The following CR1 variants were observed in gnomAD, a reference collection of about 807,000 sequenced individuals.
CR1 encodes the protein complement receptor type 1.
A neutral mutation model predicts 187.3 loss-of-function variants in CR1; 116 were observed. The observed-to-expected ratio is 0.62, with a 90% confidence interval of 0.53 to 0.72. The LOEUF (loss-of-function observed/expected upper bound fraction) is 0.72. Among genes scored for constraint, CR1 ranks in the 30% least tolerant of loss-of-function variants. The pLI is 0.00. For synonymous variants in CR1, 576 were observed against 747.1 expected, an observed-to-expected ratio of 0.77 and a Z score of 3.73; for missense variants, 1,731 against 2,110.7, an observed-to-expected ratio of 0.82 and a Z score of 3.52.
At chr1:207,638,393 C>T (rs937352711) in intron 46 of CR1, among the ~76,000 whole-genome samples, 1 of 152,190 alleles carries the variant, frequency 6.6e-6, no homozygotes, top group Non-Finnish European at 1.5e-5. Context: ...CTTTGATACA[C>T]TTCTGAGGCT....
At position 207,623,013 on chromosome 1, in the gene CR1, T is replaced by C. The variant is rs948794732; in HGVS notation, c.7297T>C (p.Phe2433Leu). 1 of 1,578,142 alleles carries C rather than the reference T, an allele frequency of 6.3e-7. No homozygotes were observed. The highest frequency in any genetic ancestry group is 1.2e-5 in the South Asian group (1 of 86,440). ...CCTAGGCACTTTATCTGGTACGATC[T>C]TCTTTATTTTACTCATCATTTTCCT... ...LIVGTLSGTIFFILLIIFLSW... is the reference protein window; with the variant it reads ...LIVGTLSGTILFILLIIFLSW... The change falls in exon 45 of 47, where the codon TTC becomes CTC. Residue 2433 changes from phenylalanine (F) to leucine (L), a missense_variant. By Grantham distance (22) the Phe-to-Leu change is conservative. Coordinates refer to ENST00000367049, the MANE Select transcript of CR1 (RefSeq NM_000651.6).
rs1444432198 is a variant in CR1 at position 207,578,074 on chromosome 1, A to G, written c.4807A>G (p.Arg1603Gly). 2 of 1,611,748 alleles carry G rather than the reference A, an allele frequency of 1.2e-6. No homozygotes were observed. Among genetic ancestry groups the G allele is most frequent in the African/African-American group, 1.3e-5 (1 of 74,972 alleles). Residue 1603 changes from arginine to glycine, a missense_variant, in exon 29 of 47, where the codon AGA becomes GGA. Arg to Gly is a moderately radical substitution (Grantham distance 125). Transcript: ENST00000367049. ...AAATGGAATATTGGTATCTGACAAC[A>G]GAAGCTTATTTTCCTTAAATGAAGT... ...VENGILVSDN[R>G]SLFSLNEVVE... is the part of the protein sequence containing the mutation.
chr1:207,609,317 T>C lies in CR1; in HGVS notation c.5924T>C (p.Ile1975Thr), dbSNP rs1165042935. The change falls in exon 37 of 47, where the codon ATA becomes ACA. Residue 1975 changes from isoleucine (I) to threonine (T), a missense_variant. Ile to Thr is a moderately conservative substitution (Grantham distance 89). This residue lies in a region of CR1 where 1,312 missense variants were observed against 1,379.6 expected (regional missense o/e 0.95). Coordinates refer to ENST00000367049, the MANE Select transcript of CR1 (RefSeq NM_000651.6). Reference protein sequence around the residue: ...EIISCEPPPTISNGDFYSNNR... With the variant: ...EIISCEPPPTTSNGDFYSNNR... ...ATATCTTGTGAGCCACCTCCAACCA[T>C]ATCCAATGGAGACTTCTACAGCAAC... 1.9e-6 allele frequency: 3 copies of C among 1,613,614 alleles called. No homozygotes were observed. Among genetic ancestry groups the C allele is most frequent in the African/African-American group, 2.7e-5 (2 of 74,928 alleles).
intron 43 of CR1, among the ~76,000 whole-genome samples, chr1:207,620,284 A>G (rs1203653941): frequency 1.3e-5 from 2 of 152,170 alleles, no homozygotes; most frequent in Admixed American, 6.5e-5. Flanking sequence ...TTTTTTGTCT[A>G]TATCACTTTG....
At chr1:207,506,972 G>C in intron 3 of CR1, 159 bp downstream of exon 3, 1 of 592,292 alleles carries the variant, frequency 1.7e-6, no homozygotes, top group South Asian at 2.4e-5. Context: ...AATGAGCAAA[G>C]GTATGACAAG....
chr1:207,598,742 A>G (rs1661521642), intron 35 of CR1: 1 of 152,262 alleles, frequency 6.6e-6, no homozygotes, highest in Non-Finnish European at 1.5e-5. Flanking sequence ...TTTGAACAAG[A>G]GAGCGCTAAC....
chr1:207,637,225 A>G (rs1290205520), intron 46 of CR1, among the ~76,000 whole-genome samples: 1 of 152,176 alleles, frequency 6.6e-6, no homozygotes, highest in East Asian at 1.9e-4. Context: ...ATGTTTGTCT[A>G]AACTTTCTGT....
chr1:207,609,036 A>G (rs1424180870), intron 36 of CR1, among the ~76,000 whole-genome samples: 1 of 152,154 alleles, frequency 6.6e-6, no homozygotes, highest in East Asian at 1.9e-4. Flanking sequence ...TGTATTATCC[A>G]CTTAAAATTA....
chr1:207,498,431 G>A (rs1310055287), intron 1 of CR1, among the ~76,000 whole-genome samples: 5 of 152,124 alleles, frequency 3.3e-5, no homozygotes, highest in South Asian at 4.1e-4. Context: ...CACAGTACCC[G>A]TAAAGTGGTA....
chr1:207,622,613 G>T (rs1288915669), intron 44 of CR1, among the ~76,000 whole-genome samples: 1 of 152,188 alleles, frequency 6.6e-6, no homozygotes, highest in Non-Finnish European at 1.5e-5. Context: ...TGGACAAAAT[G>T]ACCTAAATAT....
intron 1 of CR1, among the ~76,000 whole-genome samples, 176 bp downstream of exon 1, chr1:207,496,564 C>T (rs1372431267): frequency 2.6e-5 from 4 of 152,224 alleles, no homozygotes; most frequent in Admixed American, 6.5e-5. Flanking sequence ...TCCTTCTGCG[C>T]ACTGGAGACC....
chr1:207,592,529 C>G (rs940735994), intron 35 of CR1, among the ~76,000 whole-genome samples: 3 of 152,128 alleles, frequency 2.0e-5, no homozygotes, highest in African/African-American at 7.2e-5. Flanking sequence ...CTTTGAAAAC[C>G]AGCACAAGAC....
At chr1:207,635,017 T>C (rs902979232) in intron 46 of CR1, among the ~76,000 whole-genome samples, 1 of 152,228 alleles carries the variant, frequency 6.6e-6, no homozygotes, top group Non-Finnish European at 1.5e-5. Context: ...TTTCTACTAA[T>C]GTCTCCATTT....
At chr1:207,578,316 A>G in intron 29 of CR1, 113 bp downstream of exon 29, 1 of 1,585,682 alleles carries the variant, frequency 6.3e-7, no homozygotes, top group East Asian at 2.3e-5. Context: ...GTGGGAAAGT[A>G]AGTTTTGGGG....
At chr1:207,574,765 G>A (rs1342075511) in intron 27 of CR1, among the ~76,000 whole-genome samples, 1 of 152,172 alleles carries the variant, frequency 6.6e-6, no homozygotes, top group Non-Finnish European at 1.5e-5. Flanking sequence ...TTAAATATCT[G>A]TTGTGTGCAT....
intron 29 of CR1, among the ~76,000 whole-genome samples, chr1:207,579,272 G>A (rs1248629647): frequency 1.3e-5 from 2 of 152,186 alleles, no homozygotes; most frequent in Admixed American, 6.5e-5. Context: ...AGCTGTGTAG[G>A]AGGTGTTATG....
chr1:207,573,744 CAT>C (rs763608479), intron 27 of CR1, among the ~76,000 whole-genome samples: 6 of 151,458 alleles, frequency 4.0e-5, no homozygotes, highest in Admixed American at 1.3e-4. Context: ...TGATCTATAT[CAT>C]ATATATATAT....
At chr1:207,564,104 A>G (rs372910627) in intron 22 of CR1, 28 bp from the exon 23 acceptor site, 54 of 1,542,836 alleles carry the variant, frequency 3.5e-5, no homozygotes, top group Non-Finnish European at 4.5e-5. Flanking sequence ...CATGCCAGTG[A>G]TTTCTGTTCG....
At chr1:207,611,552 A>T (rs1661929628) in intron 37 of CR1, 125 bp from the exon 38 acceptor site, 2 of 1,390,926 alleles carry the variant, frequency 1.4e-6, no homozygotes, top group Non-Finnish European at 1.9e-6. Flanking sequence ...CTACTGAACT[A>T]CCAATCTTCT....
Sources: allele counts gnomAD v4.1 joint callset (sites outside exome capture counted in the v4.1 genomes callset), GRCh38; gene constraint gnomAD v4.1.1; regional missense constraint gnomAD v4.1.1; transcripts MANE v1.5; gene names NCBI Gene and HGNC (gene_info 2026-07-23, HGNC 2026-07-21).